DNAH3: variants seen among roughly 807,000 people sequenced by gnomAD.
The protein encoded by DNAH3 is axonemal beta dynein heavy chain 3.
DNAH3 carries 332 observed loss-of-function variants against 432.5 expected under a neutral mutation model. The observed-to-expected ratio is 0.77, with a 90% confidence interval of 0.70 to 0.84. DNAH3 has a LOEUF of 0.84. Ranked by LOEUF, DNAH3 falls within the 40% of genes least tolerant of loss-of-function variation. The pLI, the probability that DNAH3 is intolerant of heterozygous loss-of-function variation, is 0.00. For synonymous variants in DNAH3, 1,956 were observed against 1,900.2 expected, an observed-to-expected ratio of 1.03 and a Z score of -0.76; for missense variants, 4,861 against 5,114.0, an observed-to-expected ratio of 0.95 and a Z score of 1.51.
intron 17 of DNAH3, among the ~76,000 whole-genome samples, chr16:21,098,118 TG>T (rs2091735577): frequency 6.6e-6 from 1 of 152,022 alleles, no homozygotes; most frequent in Non-Finnish European, 1.5e-5. Context: ...AAAAGTCTGG[TG>T]TCATGAAGGG....
chr16:21,009,598 G>A (rs2087480137), intron 41 of DNAH3, among the ~76,000 whole-genome samples: 2 of 152,196 alleles, frequency 1.3e-5, no homozygotes, highest in African/African-American at 2.4e-5. Context: ...AAAAGATTTG[G>A]CTGGGTGTGG....
intron 8 of DNAH3, among the ~76,000 whole-genome samples, chr16:21,126,095 G>A (rs991469024): frequency 1.3e-5 from 2 of 152,126 alleles, no homozygotes; most frequent in South Asian, 2.1e-4. Flanking sequence ...CCTGGGAGAT[G>A]GGAGGTTGCA....
At chr16:21,142,697 G>A (rs543106335) in intron 3 of DNAH3, among the ~76,000 whole-genome samples, 12 of 138,968 alleles carry the variant, frequency 8.6e-5, no homozygotes, top group Non-Finnish European at 1.7e-4. Flanking sequence ...TCTGCTGCCT[G>A]TGCTGGAGTG....
At chr16:21,045,592 T>C (rs2089657017) in intron 31 of DNAH3, among the ~76,000 whole-genome samples, 1 of 148,604 alleles carries the variant, frequency 6.7e-6, no homozygotes, top group Non-Finnish European at 1.5e-5. Context: ...TTGCTAGCAG[T>C]CTATCAATTT....
At chr16:21,141,201 T>C (rs899605519) in intron 4 of DNAH3, 99 bp downstream of exon 5, 7 of 860,942 alleles carry the variant, frequency 8.1e-6, no homozygotes, top group Non-Finnish European at 1.3e-5. Context: ...TATCTGGGAA[T>C]GCTTTGAAGC....
intron 56 of DNAH3, among the ~76,000 whole-genome samples, chr16:20,951,965 G>C (rs181029681): frequency 2.7e-5 from 4 of 150,290 alleles, no homozygotes; most frequent in South Asian, 2.1e-4. Context: ...GGATGGTCTC[G>C]ATCTCCTGAC....
intron 43 of DNAH3, among the ~76,000 whole-genome samples, chr16:20,997,876 G>T (rs1344119027): frequency 6.6e-6 from 1 of 151,118 alleles, no homozygotes; most frequent in Non-Finnish European, 1.5e-5. Flanking sequence ...AGGCATGGTG[G>T]CTTATGTCTG....
At chr16:21,067,751 C>T (rs2090606149) in intron 23 of DNAH3, among the ~76,000 whole-genome samples, 1 of 33,664 alleles carries the variant, frequency 3.0e-5, no homozygotes, top group Non-Finnish European at 5.4e-5. Context: ...TAGAGAAAGC[C>T]AGTCTTGGGG....
chr16:21,098,642 G>C, exon 17 of DNAH3: 1 of 1,613,192 alleles, frequency 6.2e-7, no homozygotes, highest in Non-Finnish European at 8.5e-7. Flanking sequence ...GCCCGATTTA[G>C]GTTCTTTGAA....
chr16:21,033,531 C>T (rs78030383), intron 36 of DNAH3, among the ~76,000 whole-genome samples: 13,518 of 151,862 alleles, frequency 0.089, 859 homozygotes, highest in South Asian at 0.2. Flanking sequence ...AAAGCAGGAG[C>T]TCCTATCCTT....
At chr16:21,023,358 G>A (rs915575464) in intron 39 of DNAH3, among the ~76,000 whole-genome samples, 1 of 152,072 alleles carries the variant, frequency 6.6e-6, no homozygotes, top group African/African-American at 2.4e-5. Flanking sequence ...AATCCAGCAG[G>A]GATATCAGTA....
intron 60 of DNAH3, among the ~76,000 whole-genome samples, chr16:20,936,418 A>T (rs991501323): frequency 4.6e-5 from 7 of 152,018 alleles, no homozygotes; most frequent in African/African-American, 1.7e-4. Context: ...GGCCTCCCAG[A>T]GTGCTGGCAA....
At chr16:20,959,043 C>T (rs1240753425) in intron 54 of DNAH3, 136 bp downstream of exon 54, 1 of 862,648 alleles carries the variant, frequency 1.2e-6, no homozygotes, top group Non-Finnish European at 1.8e-6. Context: ...GCTGGGATTA[C>T]AGACATGAGC....
chr16:20,936,987 CG>C (rs2083615411), intron 59 of DNAH3, 134 bp from the exon 60 acceptor site: 1 of 688,348 alleles, frequency 1.5e-6, no homozygotes, highest in Non-Finnish European at 2.4e-6. Flanking sequence ...TTAAATCACC[CG>C]TTACCTTGCT....
intron 27 of DNAH3, among the ~76,000 whole-genome samples, chr16:21,055,225 T>G (rs1296029062): frequency 6.6e-6 from 1 of 152,170 alleles, no homozygotes; most frequent in African/African-American, 2.4e-5. Flanking sequence ...TCAGCTAATC[T>G]TTGTATGTTT....
chr16:20,968,897 GTCTC>G (rs1406692954), intron 52 of DNAH3, among the ~76,000 whole-genome samples: 1 of 150,600 alleles, frequency 6.6e-6, no homozygotes, highest in Non-Finnish European at 1.5e-5. Context: ...CTGTTTCTGT[GTCTC>G]TCTTTGTGTC....
At position 20,984,086 on chromosome 16, in the gene DNAH3, G is replaced by A. The variant is rs561882650; in HGVS notation, c.7665+991C>T. Among the ~76,000 whole-genome samples, 13 of 151,554 alleles carry A rather than the reference G, an allele frequency of 8.6e-5. No individual in the cohort carries two copies. The South Asian group carries it at 2.5e-3, about 29-fold the overall frequency. On this transcript the variant is annotated intron_variant, in intron 48 of 61. Coordinates refer to ENST00000261383, the Ensembl canonical transcript of DNAH3. Reference sequence around the variant, plus strand: ...GGTTTGAAAAGATGAAGGTGGAGAGGATACAGAGGACAGTCTGGCAGGTGG... The same window carrying A: ...GGTTTGAAAAGATGAAGGTGGAGAGAATACAGAGGACAGTCTGGCAGGTGG...
intron 12 of DNAH3, among the ~76,000 whole-genome samples, chr16:21,113,757 C>G (rs909457781): frequency 6.6e-6 from 1 of 152,214 alleles, no homozygotes; most frequent in Non-Finnish European, 1.5e-5. Context: ...CCAGGCCGGG[C>G]CCAATGTCTT....
chr16:20,952,594 T>A, intron 55 of DNAH3, 45 bp from the exon 56 acceptor site: 1 of 1,234,620 alleles, frequency 8.1e-7, no homozygotes, highest in Non-Finnish European at 1.2e-6. Context: ...TGAGAGCTCT[T>A]AATTTCCACT....
Sources: gnomAD v4.1 joint callset for allele counts (sites outside exome capture counted in the v4.1 genomes callset) on GRCh38, gnomAD v4.1.1 for gene constraint, MANE v1.5 for transcripts, NCBI Gene and HGNC (gene_info 2026-07-23, HGNC 2026-07-21) for gene names.